ARHGAP15: variants seen among roughly 807,000 people sequenced by gnomAD.
The protein encoded by ARHGAP15 is rho GTPase-activating protein 15.
Under a neutral mutation model 63.7 loss-of-function variants are expected in ARHGAP15, and 51 were observed. The observed-to-expected ratio is 0.80, with a 90% confidence interval of 0.64 to 1.01. The LOEUF is 1.01. Among genes scored for constraint, ARHGAP15 ranks in the 50% least tolerant of loss-of-function variants. The pLI is 0.00. For synonymous variants in ARHGAP15, 191 were observed against 193.8 expected (o/e 0.99, Z 0.12); for missense variants, 560 against 564.6 (o/e 0.99, Z 0.08).
chr2:143,244,295 AAGG>A (rs1255124722), intron 5 of ARHGAP15, among the ~76,000 whole-genome samples: 4 of 152,280 alleles, frequency 2.6e-5, no homozygotes, highest in African/African-American at 9.6e-5. Flanking sequence ...ACACACCAAA[AAGG>A]AGTAGCAATG....
At chr2:143,390,371 A>G (rs1687483849) in intron 6 of ARHGAP15, among the ~76,000 whole-genome samples, 1 of 152,054 alleles carries the variant, frequency 6.6e-6, no homozygotes, top group Non-Finnish European at 1.5e-5. Context: ...TCATCTTACC[A>G]TCTGTCAGCT....
Position 143,387,754 on chromosome 2 carries a change from AAC to A in ARHGAP15, c.475-47845_475-47844del, listed in dbSNP as rs753132746. ...ATCTTTATTACAAAAAGTGGGAAAA[AAC>A]AGAGTTCTTAACTGCTACTCCAGAA... On this transcript the variant is annotated intron_variant, in intron 6 of 13. Transcript: ENST00000295095. 4.4e-4 allele frequency among the ~76,000 whole-genome samples: 67 copies of A among 152,186 alleles called. 1 individual carries two copies. Among genetic ancestry groups the A allele is most frequent in the Admixed American group, 3.9e-4 (6 of 15,272 alleles).
At chr2:143,162,174 G>C (rs1690323046) in intron 2 of ARHGAP15, 1 of 151,988 alleles carries the variant, frequency 6.6e-6, no homozygotes, top group African/African-American at 2.4e-5. Flanking sequence ...CATCCAGTGA[G>C]CGCTGATTAT....
chr2:143,304,337 A>C (rs1307148156), intron 6 of ARHGAP15, among the ~76,000 whole-genome samples: 1 of 152,174 alleles, frequency 6.6e-6, no homozygotes. Flanking sequence ...CATCATTCTC[A>C]GCAAACTATT....
intron 6 of ARHGAP15, chr2:143,305,588 G>C (rs374079824): frequency 6.6e-6 from 1 of 151,956 alleles, no homozygotes; most frequent in South Asian, 2.1e-4. Context: ...AGTTTAAAAT[G>C]GTCAAATATT....
At chr2:143,639,608 G>A (rs552396373) in intron 12 of ARHGAP15, among the ~76,000 whole-genome samples, 1 of 152,118 alleles carries the variant, frequency 6.6e-6, no homozygotes, top group African/African-American at 2.4e-5. Context: ...TAGAAAGAAG[G>A]CACTATGTCC....
chr2:143,435,092 C>T (rs986442938), intron 6 of ARHGAP15, among the ~76,000 whole-genome samples: 2 of 152,010 alleles, frequency 1.3e-5, no homozygotes, highest in Non-Finnish European at 2.9e-5. Context: ...TAGAAATAGT[C>T]AAATGTTATT....
At chr2:143,131,254 C>A (rs354712) in intron 1 of ARHGAP15, among the ~76,000 whole-genome samples, 76,535 of 151,978 alleles carry the variant, frequency 0.5, 20,479 homozygotes, top group Non-Finnish European at 0.6. Flanking sequence ...TTGTAAAGAG[C>A]AGTAAGGTAC....
At chr2:143,468,121 T>G (rs990601034) in intron 8 of ARHGAP15, among the ~76,000 whole-genome samples, 3 of 152,106 alleles carry the variant, frequency 2.0e-5, no homozygotes, top group African/African-American at 7.2e-5. Flanking sequence ...TACTGTATAG[T>G]TTATATTTTA....
intron 6 of ARHGAP15, among the ~76,000 whole-genome samples, chr2:143,270,411 C>T (rs1237722055): frequency 6.6e-6 from 1 of 152,160 alleles, no homozygotes; most frequent in Non-Finnish European, 1.5e-5. Context: ...TAGCTTTTCA[C>T]TTGTATTGCC....
chr2:143,535,445 T>C (rs1453489482), intron 10 of ARHGAP15, among the ~76,000 whole-genome samples: 2 of 152,160 alleles, frequency 1.3e-5, no homozygotes, highest in Admixed American at 6.5e-5. Flanking sequence ...AATCCTCCAA[T>C]AGGATTTCAA....
intron 8 of ARHGAP15, among the ~76,000 whole-genome samples, chr2:143,454,626 G>C (rs1690561189): frequency 6.6e-6 from 1 of 152,036 alleles, no homozygotes; most frequent in Non-Finnish European, 1.5e-5. Context: ...AACCAACAAA[G>C]ATGCAAGTTG....
chr2:143,351,197 G>A (rs1470295519), intron 6 of ARHGAP15: 4 of 152,204 alleles, frequency 2.6e-5, no homozygotes, highest in African/African-American at 7.2e-5. Flanking sequence ...TATTTAGCAT[G>A]TATAAGGACT....
intron 12 of ARHGAP15, among the ~76,000 whole-genome samples, chr2:143,683,815 A>G (rs1336415630): frequency 6.6e-6 from 1 of 152,208 alleles, no homozygotes; most frequent in African/African-American, 2.4e-5. Context: ...AGATCCTCCA[A>G]GACTTTGTTT....
chr2:143,427,072 G>T (rs1244202311), intron 6 of ARHGAP15, among the ~76,000 whole-genome samples: 1 of 152,132 alleles, frequency 6.6e-6, no homozygotes, highest in Non-Finnish European at 1.5e-5. Context: ...ATGCAAATAA[G>T]TCTGTACAGC....
chr2:143,523,536 A>G (rs1389522561), intron 10 of ARHGAP15, among the ~76,000 whole-genome samples: 1 of 152,122 alleles, frequency 6.6e-6, no homozygotes, highest in South Asian at 2.1e-4. Flanking sequence ...CGAACCAGTC[A>G]TGTTTCTACC....
chr2:143,212,303 C>G (rs1692593023), intron 3 of ARHGAP15, among the ~76,000 whole-genome samples: 1 of 152,250 alleles, frequency 6.6e-6, no homozygotes, highest in African/African-American at 2.4e-5. Context: ...ATTCATTCTT[C>G]TCATCTGTAT....
chr2:143,313,401 A>G (rs1014019085), intron 6 of ARHGAP15, among the ~76,000 whole-genome samples: 1 of 152,140 alleles, frequency 6.6e-6, no homozygotes, highest in Non-Finnish European at 1.5e-5. Flanking sequence ...AACTACTTCT[A>G]TTTTCCACTA....
At chr2:143,200,318 G>C (rs190098268) in intron 2 of ARHGAP15, among the ~76,000 whole-genome samples, 79 of 151,578 alleles carry the variant, frequency 5.2e-4, no homozygotes, top group African/African-American at 1.5e-3. Context: ...TTTTCCTAGA[G>C]CAAATGTGGG....
Sources: gnomAD v4.1 joint callset for allele counts (sites outside exome capture counted in the v4.1 genomes callset) on GRCh38, gnomAD v4.1.1 for gene constraint, MANE v1.5 for transcripts, NCBI Gene and HGNC (gene_info 2026-07-23, HGNC 2026-07-21) for gene names.